Variants in ANKS1B observed in about 807,000 individuals in gnomAD.
ANKS1B encodes the protein ankyrin repeat and sterile alpha motif domain containing 1B, also known as ankyrin repeat and sterile alpha motif domain-containing protein 1B.
ANKS1B carries 36 observed loss-of-function variants against 148.3 expected under a neutral mutation model. The ratio of observed to expected loss-of-function variants is 0.24; its 90% CI spans 0.19 to 0.32. ANKS1B has a LOEUF of 0.32. Ranked by LOEUF, ANKS1B falls within the 10% of genes least tolerant of loss-of-function variation. ANKS1B has a pLI of 1.00. For missense variants in ANKS1B, 1,157 were observed against 1,542.6 expected (o/e 0.75, Z 4.19); for synonymous variants, 542 against 560.8 (o/e 0.97, Z 0.47).
At chr12:99,528,929 A>T (rs1208510804) in intron 9 of ANKS1B, among the ~76,000 whole-genome samples, 3 of 152,158 alleles carry the variant, frequency 2.0e-5, no homozygotes, top group Non-Finnish European at 4.4e-5. Flanking sequence ...TGCTTGATTT[A>T]AAAAAATTAT....
At chr12:99,216,998 T>C (rs987350220) in intron 14 of ANKS1B, among the ~76,000 whole-genome samples, 1 of 152,128 alleles carries the variant, frequency 6.6e-6, no homozygotes, top group Non-Finnish European at 1.5e-5. Context: ...AGACATTTTA[T>C]TGGGTCAAAG....
chr12:99,485,079 T>C (rs1197933008), intron 10 of ANKS1B, among the ~76,000 whole-genome samples: 1 of 151,880 alleles, frequency 6.6e-6, no homozygotes, highest in African/African-American at 2.4e-5. Context: ...TTTTACTTAG[T>C]TTTTTTCATT....
chr12:99,650,758 A>G (rs940046261), intron 9 of ANKS1B, among the ~76,000 whole-genome samples: 4 of 152,178 alleles, frequency 2.6e-5, no homozygotes, highest in African/African-American at 9.7e-5. Context: ...ATAAAATGTA[A>G]TATAGGATCA....
intron 12 of ANKS1B, among the ~76,000 whole-genome samples, chr12:99,321,915 T>G (rs2085348945): frequency 6.6e-6 from 1 of 152,194 alleles, no homozygotes; most frequent in Non-Finnish European, 1.5e-5. Flanking sequence ...GGTGGGAATG[T>G]AAATGAGTTC....
At chr12:99,883,613 GGGCA>G (rs1411856863) in intron 1 of ANKS1B, among the ~76,000 whole-genome samples, 2 of 132,232 alleles carry the variant, frequency 1.5e-5, no homozygotes, top group Non-Finnish European at 3.4e-5. Context: ...CATAGACTTG[GGGCA>G]GGGGGGAATC....
chr12:99,671,602 A>C (rs1043188293), intron 8 of ANKS1B, among the ~76,000 whole-genome samples: 1 of 152,140 alleles, frequency 6.6e-6, no homozygotes, highest in Non-Finnish European at 1.5e-5. Flanking sequence ...ATTTGGGAGA[A>C]AAAGTATATA....
chr12:99,481,685 C>T (rs1041328925), intron 10 of ANKS1B, among the ~76,000 whole-genome samples: 3 of 152,014 alleles, frequency 2.0e-5, no homozygotes, highest in Non-Finnish European at 2.9e-5. Flanking sequence ...CCTTTCCCCA[C>T]ATCCACACCA....
intron 15 of ANKS1B, among the ~76,000 whole-genome samples, chr12:99,098,904 T>C (rs1460614738): frequency 6.1e-5 from 6 of 97,906 alleles, no homozygotes; most frequent in Non-Finnish European, 1.5e-4. Flanking sequence ...AAGTTCTTCC[T>C]AATTTTTTTC....
At chr12:99,762,163 CA>C in intron 8 of ANKS1B, among the ~76,000 whole-genome samples, 1 of 151,974 alleles carries the variant, frequency 6.6e-6, no homozygotes, top group East Asian at 1.9e-4. Flanking sequence ...ATTAAAGTAC[CA>C]ATATCATTTT....
chr12:99,154,301 A>T lies in ANKS1B; in HGVS notation c.2514T>A (p.Asn838Lys). ...ENHLMANGFD[N>K]VQFMGSNVME... ...GAGAGCTTCTTACCATAAACTGCAC[A>T]TTGTCAAATCCATTAGCCATCAGGT... The change falls in exon 15 of 27, where the codon AAT (asparagine) becomes AAA (lysine). Residue 838 changes from asparagine (N) to lysine (K), a missense_variant. Physicochemically the swap from Asn to Lys is moderately conservative, Grantham distance 94. Around this residue, in one of 6 missense-constraint regions of ANKS1B, gnomAD observed 258 missense variants for 497.0 expected, o/e 0.52. Transcript: ENST00000683438. 7.4e-6 allele frequency: 12 copies of T among 1,613,662 alleles called. No homozygotes were observed. The highest frequency in any genetic ancestry group is 1.0e-5 in the Non-Finnish European group (12 of 1,179,652).
chr12:99,453,452 G>C (rs570157259), intron 10 of ANKS1B, among the ~76,000 whole-genome samples: 1 of 152,128 alleles, frequency 6.6e-6, no homozygotes, highest in Admixed American at 6.5e-5. Flanking sequence ...TTATGCAAAG[G>C]CCTACGTGGC....
chr12:99,977,393 T>A (rs189776047), intron 1 of ANKS1B, among the ~76,000 whole-genome samples: 1 of 152,098 alleles, frequency 6.6e-6, no homozygotes. Flanking sequence ...CAAGTGATAC[T>A]CCCGTCTCAG....
chr12:99,951,614 C>T (rs1177929066), intron 1 of ANKS1B, among the ~76,000 whole-genome samples: 3 of 151,906 alleles, frequency 2.0e-5, no homozygotes, highest in African/African-American at 2.4e-5. Context: ...GTGGCTCATA[C>T]CTATAATCTC....
chr12:99,218,941 C>T (rs866977303), intron 14 of ANKS1B, among the ~76,000 whole-genome samples: 5 of 152,314 alleles, frequency 3.3e-5, no homozygotes, highest in South Asian at 4.1e-4. Flanking sequence ...GACCTATATA[C>T]GTATTATACA....
At chr12:98,889,017 T>G (rs2099746437) in intron 17 of ANKS1B, among the ~76,000 whole-genome samples, 1 of 152,238 alleles carries the variant, frequency 6.6e-6, no homozygotes, top group Non-Finnish European at 1.5e-5. Context: ...ACACAGAGAT[T>G]GTTTCTCAGC....
chr12:99,744,274 T>C (rs961031922), intron 8 of ANKS1B, among the ~76,000 whole-genome samples: 8 of 152,326 alleles, frequency 5.3e-5, no homozygotes, highest in East Asian at 1.9e-4. Flanking sequence ...GTCAATCACA[T>C]GATAAGTCAA....
At chr12:98,800,038 C>A (rs925629761) in intron 21 of ANKS1B, among the ~76,000 whole-genome samples, 1 of 151,936 alleles carries the variant, frequency 6.6e-6, no homozygotes, top group African/African-American at 2.4e-5. Context: ...CGTGAGAGGG[C>A]ACAACAGCAG....
At chr12:99,887,466 T>C (rs1216500993) in intron 1 of ANKS1B, among the ~76,000 whole-genome samples, 1 of 152,230 alleles carries the variant, frequency 6.6e-6, no homozygotes, top group Admixed American at 6.5e-5. Flanking sequence ...GATTTTTAAA[T>C]TATATATGTA....
chr12:99,164,368 TG>T (rs1437878393), intron 14 of ANKS1B, among the ~76,000 whole-genome samples: 1 of 152,150 alleles, frequency 6.6e-6, no homozygotes, highest in Admixed American at 6.5e-5. Flanking sequence ...ATGACAATCA[TG>T]CTTGATTTTA....
Sources: allele counts gnomAD v4.1 joint callset (sites outside exome capture counted in the v4.1 genomes callset), GRCh38; gene constraint gnomAD v4.1.1; regional missense constraint gnomAD v4.1.1; transcripts MANE v1.5; gene names NCBI Gene and HGNC (gene_info 2026-07-23, HGNC 2026-07-21).